WASF3: variants seen among roughly 807,000 people sequenced by gnomAD.
WASF3 encodes actin-binding protein WASF3.
WASF3 carries 11 observed loss-of-function variants against 46.6 expected under a neutral mutation model. The observed-to-expected ratio is 0.24, with a 90% CI of 0.15 to 0.39. The LOEUF is 0.39. Ranked by LOEUF, WASF3 falls within the 10% of genes least tolerant of loss-of-function variation. WASF3 has a pLI of 1.00. For missense variants in WASF3, 576 were observed against 669.8 expected, an observed-to-expected ratio of 0.86 and a Z score of 1.55; for synonymous variants, 242 against 259.7, an observed-to-expected ratio of 0.93 and a Z score of 0.65.
chr13:26,554,299 C>A (rs1279602741), upstream of WASF3, among the ~76,000 whole-genome samples: 1 of 151,594 alleles, frequency 6.6e-6, no homozygotes, highest in African/African-American at 2.4e-5. Flanking sequence ...TTGGCTAATT[C>A]TTTTAGTTTT....
At chr13:26,551,836 A>G in the WASF3 span, among the ~76,000 whole-genome samples, 4 of 152,194 alleles carry the variant, frequency 2.6e-5, no homozygotes, top group Admixed American at 1.3e-4. Context: ...AGACAGTGGG[A>G]GACTCTGACG....
the WASF3 span, among the ~76,000 whole-genome samples, chr13:26,552,298 A>G: frequency 6.6e-6 from 1 of 152,242 alleles, no homozygotes; most frequent in Non-Finnish European, 1.5e-5. Context: ...CACATAGAGC[A>G]TTCTCAACAA....
intron 4 of WASF3, 145 bp downstream of exon 4, chr13:26,665,307 A>C: frequency 3.1e-6 from 3 of 981,430 alleles, no homozygotes; most frequent in Non-Finnish European, 4.4e-6. Flanking sequence ...AGGGGGAAAA[A>C]CCTACAACTT....
intron 1 of WASF3, among the ~76,000 whole-genome samples, chr13:26,578,852 A>G (rs886908751): frequency 6.6e-6 from 1 of 152,168 alleles, no homozygotes; most frequent in Non-Finnish European, 1.5e-5. Flanking sequence ...TTCTTTAACA[A>G]ATCAACAGTC....
chr13:26,543,398 GC>G, the WASF3 span, among the ~76,000 whole-genome samples: 4 of 152,096 alleles, frequency 2.6e-5, no homozygotes, highest in African/African-American at 9.7e-5. Flanking sequence ...CATTCAGAAA[GC>G]TTTTAGCTTT....
chr13:26,543,313 A>C, the WASF3 span, among the ~76,000 whole-genome samples: 1 of 152,262 alleles, frequency 6.6e-6, no homozygotes, highest in Non-Finnish European at 1.5e-5. Flanking sequence ...GAGTTTGAAA[A>C]CAAACCCTTG....
At chr13:26,628,316 C>G (rs1478863488) in intron 2 of WASF3, among the ~76,000 whole-genome samples, 1 of 152,170 alleles carries the variant, frequency 6.6e-6, no homozygotes, top group Non-Finnish European at 1.5e-5. Context: ...TACAAGGAAA[C>G]TTTTCTAAAA....
At chr13:26,555,552 G>C (rs1044315105), upstream of WASF3, among the ~76,000 whole-genome samples, 27 of 152,040 alleles carry the variant, frequency 1.8e-4, no homozygotes, top group African/African-American at 6.0e-4. Context: ...GGAAGATGCA[G>C]ACCCAACTGG....
At chr13:26,546,526 C>T in the WASF3 span, among the ~76,000 whole-genome samples, 1 of 152,122 alleles carries the variant, frequency 6.6e-6, no homozygotes, top group Non-Finnish European at 1.5e-5. Flanking sequence ...GCCTGGCCAC[C>T]ATGGTGAAAC....
intron 3 of WASF3, among the ~76,000 whole-genome samples, chr13:26,652,280 A>G (rs1321582247): frequency 6.6e-6 from 1 of 152,252 alleles, no homozygotes; most frequent in African/African-American, 2.4e-5. Context: ...TATAAAACAG[A>G]TAAGCCAGGA....
In WASF3 at chr13:26,669,720, G is replaced by C. The variant is rs1882875788; in HGVS notation, c.422+2050G>C. ...GTAGAGATGGGGTTTTACCATGTTG[G>C]TCAGGCTGGTCTCAAACTCCTGACC... On this transcript the variant is annotated intron_variant, in intron 5 of 9. Transcript: ENST00000335327. 3.3e-5 allele frequency among the ~76,000 whole-genome samples: 5 copies of C among 152,108 alleles called. 1 individual carries two copies. The South Asian group carries it at 8.3e-4, about 25-fold the overall frequency.
Position 26,685,792 on chromosome 13 carries a change from T to A in WASF3, c.1456T>A (p.Tyr486Asn), listed in dbSNP as rs879649540. The part of the protein sequence containing the change: ...TILSRRIAVE[Y>N]SDSDDDSEFD... ...CCTGTCCCGGCGCATTGCCGTGGAG[T>A]ACAGCGACTCTGACGACGACTCAGA... The change falls in exon 10 of 10, where the codon TAC becomes AAC. Residue 486 changes from tyrosine to asparagine, a missense_variant. Physicochemically the swap from Tyr to Asn is moderately radical, Grantham distance 143. Around this residue, in one of 3 missense-constraint regions of WASF3, gnomAD observed 68 missense variants for 100.3 expected, o/e 0.68. Coordinates refer to ENST00000335327, the MANE Select transcript of WASF3 (RefSeq NM_006646.6). The A allele has an allele frequency of 1.9e-5, 31 of 1,613,240 alleles. No individual in the cohort carries two copies. The highest frequency in any genetic ancestry group is 2.5e-5 in the Non-Finnish European group (30 of 1,179,568).
chr13:26,616,837 T>C (rs1881149039), intron 2 of WASF3, among the ~76,000 whole-genome samples: 1 of 152,188 alleles, frequency 6.6e-6, no homozygotes, highest in South Asian at 2.1e-4. Context: ...CCAATTGTCA[T>C]CAGTATTGAC....
chr13:26,599,191 T>TTTTC (rs1338850165), intron 1 of WASF3, among the ~76,000 whole-genome samples: 1 of 145,894 alleles, frequency 6.9e-6, no homozygotes, highest in East Asian at 2.0e-4. Flanking sequence ...TTTCTTTTTT[T>TTTTC]TTTTTTTTTT....
Position 26,635,243 on chromosome 13 carries a change from C to T in WASF3, c.-10-7018C>T, listed in dbSNP as rs145137548. On this transcript the variant is annotated intron_variant, in intron 2 of 9. Coordinates refer to ENST00000335327, the MANE Select transcript of WASF3 (RefSeq NM_006646.6). ...CACTTTATTTCATTATTTTGATCTT[C>T]AATCACTGATATCTTTTCTTTCACT... Among the ~76,000 whole-genome samples the T allele has an allele frequency of 6.9e-3, 1,058 of 152,288 alleles. 9 individuals are homozygous for T. Among genetic ancestry groups the T allele is most frequent in the African/African-American group, 0.024 (980 of 41,564 alleles).
chr13:26,616,856 C>T (rs1312470150), intron 2 of WASF3, among the ~76,000 whole-genome samples: 4 of 152,070 alleles, frequency 2.6e-5, no homozygotes, highest in African/African-American at 9.7e-5. Context: ...ACTCGTTGTC[C>T]CTGGGGTGTA....
rs1883419810 is a variant in WASF3 at position 26,686,811 on chromosome 13, AAC to A, written c.*968_*969del. On this transcript the variant is annotated 3_prime_UTR_variant, in exon 10 of 10. Coordinates refer to ENST00000335327, the MANE Select transcript of WASF3 (RefSeq NM_006646.6). The stretch of plus-strand genomic sequence containing the variant: ...AGGAGTTCTTAGCTCCTCAGCGAGC[AAC>A]AGAGAGCACTTTAGATGGCACCTTT... The A allele has an allele frequency of 6.6e-6, 1 of 152,270 alleles. No individual in the cohort carries two copies. Among genetic ancestry groups the A allele is most frequent in the Non-Finnish European group, 1.5e-5 (1 of 68,056 alleles). 9.4% of individuals were successfully genotyped at this position (152,270 alleles called of 1,614,324 possible).
At chr13:26,604,979 A>G (rs1223961866) in intron 1 of WASF3, among the ~76,000 whole-genome samples, 2 of 152,160 alleles carry the variant, frequency 1.3e-5, no homozygotes, top group Non-Finnish European at 2.9e-5. Flanking sequence ...TGTTCTCTGC[A>G]CAATCCTGGA....
the WASF3 span, among the ~76,000 whole-genome samples, chr13:26,545,929 G>T: frequency 3.3e-5 from 5 of 152,040 alleles, no homozygotes; most frequent in Admixed American, 3.3e-4. Context: ...AACATGTTTT[G>T]GCTTTCAGTC....
Sources: gnomAD v4.1 joint callset for allele counts (sites outside exome capture counted in the v4.1 genomes callset) on GRCh38, gnomAD v4.1.1 for gene constraint, gnomAD v4.1.1 regional missense constraint, MANE v1.5 for transcripts, NCBI Gene and HGNC (gene_info 2026-07-23, HGNC 2026-07-21) for gene names.